The following ACVR1C variants were observed in gnomAD, a reference collection of about 807,000 sequenced individuals.
The protein encoded by ACVR1C is activin receptor type-1C.
Under a neutral mutation model 57.9 loss-of-function variants are expected in ACVR1C, and 23 were observed. The ratio of observed to expected loss-of-function variants is 0.40; its 90% confidence interval spans 0.29 to 0.56. The LOEUF (loss-of-function observed/expected upper bound fraction) is 0.56. ACVR1C is among the 20% of genes least tolerant of loss of function. The probability of loss-of-function intolerance (pLI) is 0.50; values close to 1 mark genes in which losing one functional copy is unlikely to be tolerated. For synonymous variants in ACVR1C, 214 were observed against 215.3 expected (o/e 0.99, Z 0.05); for missense variants, 480 against 607.9 (o/e 0.79, Z 2.21).
At position 157,541,176 on chromosome 2, in the gene ACVR1C, A is replaced by T. The variant is rs1254724537; in HGVS notation, c.1139T>A (p.Val380Glu). Residue 380 changes from valine (V) to glutamate (E), a missense_variant, in exon 7 of 9, where the codon GTG becomes GAG. Transcript: ENST00000243349. Reference sequence around the variant, plus strand: ...TCGTTTGAAGGACTCAAAGATATTCACATTCATTGTATCATCAAGCATTTC... The same window carrying T: ...TCGTTTGAAGGACTCAAAGATATTCTCATTCATTGTATCATCAAGCATTTC... ...APEMLDDTMN[V>E]NIFESFKRAD... The T allele has an allele frequency of 1.2e-6, 2 of 1,613,878 alleles. No individual in the cohort carries two copies. Among genetic ancestry groups the T allele is most frequent in the Non-Finnish European group, 1.7e-6 (2 of 1,179,928 alleles).
At chr2:157,539,389 T>C (rs1222343728) in intron 7 of ACVR1C, among the ~76,000 whole-genome samples, 1 of 152,168 alleles carries the variant, frequency 6.6e-6, no homozygotes, top group Non-Finnish European at 1.5e-5. Context: ...GAATACTACT[T>C]AAATTCCAAG....
chr2:157,544,664 C>T (rs1026658520), intron 4 of ACVR1C, 52 bp from the exon 5 acceptor site: 2 of 1,474,370 alleles, frequency 1.4e-6, no homozygotes, highest in Non-Finnish European at 1.9e-6. Context: ...AGAAAGAAGC[C>T]AAAAGCTTTT....
intron 7 of ACVR1C, 60 bp downstream of exon 7, chr2:157,541,030 A>G (rs1687614549): frequency 6.4e-7 from 1 of 1,554,206 alleles, no homozygotes; most frequent in South Asian, 1.2e-5. Context: ...ATAGAATATC[A>G]CATCTTGTAT....
Position 157,587,299 on chromosome 2 carries a change from G to A in ACVR1C, c.192C>T (p.Val64=). 3 of 1,613,712 alleles carry A rather than the reference G, an allele frequency of 1.9e-6. No individual in the cohort carries two copies. Among genetic ancestry groups the A allele is most frequent in the Non-Finnish European group, 2.5e-6 (3 of 1,179,672 alleles). ...NGKEQVIKSC[V]SLPELNAQVF... is the part of the protein sequence containing the mutation. ...CTTGAGCATTCAGTTCTGGAAGGGA[G>A]ACACAGGATTTGATCACCTGCTCTT... The change falls in exon 2 of 9, where the codon GTC becomes GTT. Residue 64 remains valine (V), a synonymous_variant. Transcript: ENST00000243349.
At chr2:157,627,681 T>TGA (rs1249840345) in intron 1 of ACVR1C, among the ~76,000 whole-genome samples, 1 of 152,188 alleles carries the variant, frequency 6.6e-6, no homozygotes, top group Non-Finnish European at 1.5e-5. Flanking sequence ...AAACACCAGA[T>TGA]TTTTATGTGC....
At chr2:157,537,379 G>A (rs891942383) in intron 8 of ACVR1C, among the ~76,000 whole-genome samples, 5 of 151,610 alleles carry the variant, frequency 3.3e-5, no homozygotes, top group Non-Finnish European at 2.9e-5. Flanking sequence ...ATTGTTTCGT[G>A]TACATAAATT....
intron 3 of ACVR1C, among the ~76,000 whole-genome samples, chr2:157,554,110 G>A (rs1442742586): frequency 1.3e-5 from 2 of 150,274 alleles, no homozygotes; most frequent in African/African-American, 2.5e-5. Flanking sequence ...TTGAATCCAG[G>A]AGGGAGAGGT....
chr2:157,612,780 T>A (rs1682562387), intron 1 of ACVR1C, among the ~76,000 whole-genome samples: 1 of 152,138 alleles, frequency 6.6e-6, no homozygotes, highest in Non-Finnish European at 1.5e-5. Context: ...CGCTTTTGGG[T>A]CCAGCCAGCA....
chr2:157,566,956 A>C (rs1363419547), intron 2 of ACVR1C, among the ~76,000 whole-genome samples: 3 of 130,604 alleles, frequency 2.3e-5, no homozygotes, highest in African/African-American at 9.0e-5. Context: ...CTGCAGACTT[A>C]AGTGTCCCTG....
chr2:157,587,848 G>A (rs943288732), intron 1 of ACVR1C, among the ~76,000 whole-genome samples: 1 of 152,016 alleles, frequency 6.6e-6, no homozygotes, highest in Non-Finnish European at 1.5e-5. Flanking sequence ...AGTGTGTTCT[G>A]TTCATTTGCC....
At chr2:157,599,693 G>C (rs1682238496) in intron 1 of ACVR1C, among the ~76,000 whole-genome samples, 2 of 152,160 alleles carry the variant, frequency 1.3e-5, no homozygotes, top group South Asian at 4.1e-4. Flanking sequence ...ATTAACTCTG[G>C]ATCAAGAATA....
chr2:157,611,263 TA>T (rs1162554079), intron 1 of ACVR1C, among the ~76,000 whole-genome samples: 1 of 152,206 alleles, frequency 6.6e-6, no homozygotes, highest in Non-Finnish European at 1.5e-5. Flanking sequence ...CGCAGTACTG[TA>T]GTCTCTGTAT....
At chr2:157,612,637 A>T (rs955240328) in intron 1 of ACVR1C, among the ~76,000 whole-genome samples, 1 of 152,218 alleles carries the variant, frequency 6.6e-6, no homozygotes, top group Non-Finnish European at 1.5e-5. Context: ...AGCCCCAGAC[A>T]GGGAACTCTC....
intron 2 of ACVR1C, among the ~76,000 whole-genome samples, chr2:157,559,892 A>G (rs1422767888): frequency 6.6e-6 from 1 of 150,584 alleles, no homozygotes; most frequent in East Asian, 2.0e-4. Flanking sequence ...AGAAGGAGAG[A>G]GGGAAGGAAG....
In ACVR1C at chr2:157,533,446, A is replaced by T. The variant is rs1264336693; in HGVS notation, c.*472T>A. The T allele has an allele frequency of 6.6e-6, 1 of 152,656 alleles. No individual in the cohort carries two copies. The highest frequency in any genetic ancestry group is 2.4e-5 in the African/African-American group (1 of 41,466). The allele number at this position is 152,656 out of a possible 1,614,324, so 9.5% of individuals were successfully genotyped here. The stretch of plus-strand genomic sequence containing the variant: ...AAAGTTTAGAGCAATATTTATTTTT[A>T]AAAAGTCCTGCTAACTTAAAAAGGG... On this transcript the variant is annotated 3_prime_UTR_variant, in exon 9 of 9. Transcript: ENST00000243349.
intron 1 of ACVR1C, among the ~76,000 whole-genome samples, chr2:157,592,169 T>C (rs376451266): frequency 2.6e-5 from 4 of 152,200 alleles, no homozygotes; most frequent in South Asian, 2.1e-4. Flanking sequence ...TTCAATATCA[T>C]GTGCCTTGCA....
Position 157,533,823 on chromosome 2 carries a change from A to G in ACVR1C, c.*95T>C. On this transcript the variant is annotated 3_prime_UTR_variant, in exon 9 of 9. Coordinates refer to ENST00000243349, the MANE Select transcript of ACVR1C (RefSeq NM_145259.3). Reference sequence around the variant, plus strand: ...TAAATACTGTACTGTCTTATCTTTGAGGTAGAACAAAAAAAAAATGGCAAA... The same window carrying G: ...TAAATACTGTACTGTCTTATCTTTGGGGTAGAACAAAAAAAAAATGGCAAA... 1 of 1,294,650 alleles carries G rather than the reference A, an allele frequency of 7.7e-7. No homozygotes were observed. The highest frequency in any genetic ancestry group is 1.0e-6 in the Non-Finnish European group (1 of 973,066). The allele number at this position is 1,294,650 out of a possible 1,614,324, so 80.2% of individuals were successfully genotyped here.
intron 5 of ACVR1C, among the ~76,000 whole-genome samples, chr2:157,543,824 A>G (rs1236685893): frequency 6.6e-6 from 1 of 152,186 alleles, no homozygotes; most frequent in African/African-American, 2.4e-5. Context: ...AAAGGTAAAC[A>G]TTTAAATTAT....
At chr2:157,552,866 C>T (rs1314999656) in intron 3 of ACVR1C, among the ~76,000 whole-genome samples, 1 of 152,278 alleles carries the variant, frequency 6.6e-6, no homozygotes, top group Non-Finnish European at 1.5e-5. Context: ...TGGATTTTTG[C>T]TTCTCCCTGT....
Sources: gnomAD v4.1 joint callset for allele counts (sites outside exome capture counted in the v4.1 genomes callset) on GRCh38, gnomAD v4.1.1 for gene constraint, MANE v1.5 for transcripts, NCBI Gene and HGNC (gene_info 2026-07-23, HGNC 2026-07-21) for gene names.